Variants in CRYBG3 observed in about 807,000 individuals in gnomAD.
CRYBG3 encodes the protein very large A-kinase anchor protein.
In CRYBG3, 127 loss-of-function variants were observed where a neutral mutation model predicts 244.2. The ratio of observed to expected loss-of-function variants is 0.52; its 90% CI spans 0.45 to 0.60. CRYBG3 has a LOEUF of 0.60. CRYBG3 is among the 20% of genes least tolerant of loss of function. CRYBG3 has a pLI of 0.00. For missense variants in CRYBG3, 3,325 were observed against 3,442.5 expected (o/e 0.97, Z 0.85); for synonymous variants, 1,132 against 1,195.8 (o/e 0.95, Z 1.10).
Position 97,943,446 on chromosome 3 carries a change from C to T in CRYBG3, c.*132C>T, listed in dbSNP as rs901907288. On this transcript the variant is annotated 3_prime_UTR_variant, in exon 22 of 22. Coordinates refer to ENST00000389622, the MANE Select transcript of CRYBG3 (RefSeq NM_153605.4). ...TCACTGAGCAGAATGAACATTTTCTCCAGCCTCTGAGACTATCGCTCTTAA... is the reference window on the plus strand; with the variant it reads ...TCACTGAGCAGAATGAACATTTTCTTCAGCCTCTGAGACTATCGCTCTTAA... 15 of 638,016 alleles carry T rather than the reference C, an allele frequency of 2.4e-5. No homozygotes were observed. The highest frequency in any genetic ancestry group is 2.2e-4 in the South Asian group (12 of 54,030). The allele number at this position is 638,016 out of a possible 1,614,324, so 39.5% of individuals were successfully genotyped here.
In CRYBG3 at chr3:97,926,604, C is replaced by T. The variant is rs1457469187; in HGVS notation, c.8242-7090C>T. 3.3e-5 allele frequency among the ~76,000 whole-genome samples: 5 copies of T among 151,436 alleles called. No individual in the cohort carries two copies. The East Asian group carries it at 9.7e-4, about 29-fold the overall frequency. Reference sequence around the variant, plus strand: ...ACAAGAGAAAGAAGTAAAAGGCATCCAAATAGAAAAAAAGGGAGTCAAGCT... The same window carrying T: ...ACAAGAGAAAGAAGTAAAAGGCATCTAAATAGAAAAAAAGGGAGTCAAGCT... On this transcript the variant is annotated intron_variant, in intron 17 of 21. Coordinates refer to ENST00000389622, the MANE Select transcript of CRYBG3 (RefSeq NM_153605.4).
chr3:97,880,171 T>A, intron 6 of CRYBG3, 71 bp downstream of exon 6: 4 of 746,436 alleles, frequency 5.4e-6, no homozygotes, highest in Non-Finnish European at 8.8e-6. Flanking sequence ...TTAATGCTTT[T>A]TTTTCTATTT....
At chr3:97,886,553 C>T in intron 7 of CRYBG3, 78 bp from the exon 8 acceptor site, 1 of 1,120,974 alleles carries the variant, frequency 8.9e-7, no homozygotes, top group Non-Finnish European at 1.2e-6. Flanking sequence ...AACAGTGTAA[C>T]TGTATGTCCA....
At chr3:97,844,706 G>A (rs1240305700) in intron 2 of CRYBG3, among the ~76,000 whole-genome samples, 1 of 152,150 alleles carries the variant, frequency 6.6e-6, no homozygotes, top group Non-Finnish European at 1.5e-5. Flanking sequence ...CAGTAGTGCT[G>A]TTTTCCACCT....
At chr3:97,919,388 A>C (rs962129144) in intron 17 of CRYBG3, among the ~76,000 whole-genome samples, 2 of 152,222 alleles carry the variant, frequency 1.3e-5, no homozygotes, top group Non-Finnish European at 2.9e-5. Context: ...TAGGTGGCCT[A>C]GAATTAGGAA....
chr3:97,940,935 AAAGT>A (rs1229795175), intron 19 of CRYBG3, among the ~76,000 whole-genome samples: 1 of 151,952 alleles, frequency 6.6e-6, no homozygotes, highest in East Asian at 1.9e-4. Context: ...CACTTTTCAC[AAAGT>A]GTAATAGAGA....
intron 17 of CRYBG3, among the ~76,000 whole-genome samples, chr3:97,929,036 T>C (rs1410344475): frequency 2.0e-5 from 3 of 152,058 alleles, no homozygotes; most frequent in African/African-American, 7.2e-5. Flanking sequence ...CAATGAGTTT[T>C]CTTCTTTTGT....
At chr3:97,871,441 G>A (rs1363838209) in intron 3 of CRYBG3, among the ~76,000 whole-genome samples, 2 of 152,126 alleles carry the variant, frequency 1.3e-5, no homozygotes, top group Non-Finnish European at 2.9e-5. Context: ...CTTTAATGTG[G>A]TGGAGAAGTC....
At position 97,827,737 on chromosome 3, in the gene CRYBG3, C is replaced by T. The variant is rs990280125; in HGVS notation, c.149+5382C>T. Among the ~76,000 whole-genome samples the T allele has an allele frequency of 8.5e-5, 13 of 152,166 alleles. No homozygotes were observed. In the East Asian group the frequency reaches 2.5e-3, roughly 30 times the overall value. On this transcript the variant is annotated intron_variant, in intron 1 of 21. Transcript: ENST00000389622. ...CTCAGAGCAAACGTATCTTTACTCC[C>T]TTTTACAATATATAATTTAAGGCTT...
chr3:97,911,785 T>A (rs1241692317), intron 15 of CRYBG3, among the ~76,000 whole-genome samples: 1 of 152,200 alleles, frequency 6.6e-6, no homozygotes, highest in East Asian at 1.9e-4. Context: ...TAGCACTAAA[T>A]TGCTTCTTAT....
chr3:97,854,472 C>T (rs2039036276), intron 2 of CRYBG3, among the ~76,000 whole-genome samples: 1 of 152,012 alleles, frequency 6.6e-6, no homozygotes, highest in Non-Finnish European at 1.5e-5. Context: ...TAATTCTACC[C>T]ATCCATGAGC....
intron 2 of CRYBG3, among the ~76,000 whole-genome samples, chr3:97,851,150 A>T (rs1180040181): frequency 2.6e-5 from 4 of 151,712 alleles, no homozygotes; most frequent in Admixed American, 6.6e-5. Flanking sequence ...AAAAAAAAAA[A>T]TTTTAGCATC....
intron 15 of CRYBG3, among the ~76,000 whole-genome samples, chr3:97,908,212 A>G (rs2039801563): frequency 6.6e-6 from 1 of 152,272 alleles, no homozygotes; most frequent in African/African-American, 2.4e-5. Flanking sequence ...GCTGAAAAAA[A>G]TGTATATTCT....
chr3:97,836,292 G>A (rs1212234554), intron 1 of CRYBG3, among the ~76,000 whole-genome samples: 1 of 151,972 alleles, frequency 6.6e-6, no homozygotes, highest in Admixed American at 6.6e-5. Flanking sequence ...AATACATACT[G>A]TTTGAGTGCC....
At chr3:97,899,657 A>G (rs2039682111) in intron 14 of CRYBG3, among the ~76,000 whole-genome samples, 1 of 152,196 alleles carries the variant, frequency 6.6e-6, no homozygotes, top group Non-Finnish European at 1.5e-5. Context: ...GAGCAGGGAA[A>G]AGGAACAATC....
At chr3:97,857,812 C>T (rs990186249) in intron 2 of CRYBG3, among the ~76,000 whole-genome samples, 9 of 152,012 alleles carry the variant, frequency 5.9e-5, no homozygotes, top group Non-Finnish European at 1.0e-4. Context: ...TAACCATTTA[C>T]ATTTACGGTT....
intron 14 of CRYBG3, 105 bp from the exon 15 acceptor site, chr3:97,900,347 CA>C: frequency 1.5e-6 from 1 of 686,394 alleles, no homozygotes; most frequent in Non-Finnish European, 2.5e-6. Context: ...TACTCTGTCT[CA>C]AAAAAGAAAA....
intron 19 of CRYBG3, among the ~76,000 whole-genome samples, chr3:97,940,156 G>A (rs1024886733): frequency 6.6e-6 from 1 of 151,978 alleles, no homozygotes; most frequent in African/African-American, 2.4e-5. Context: ...TTACATTAAG[G>A]CTGGAGGCCT....
At chr3:97,905,293 G>T (rs879771740) in intron 15 of CRYBG3, among the ~76,000 whole-genome samples, 1 of 151,744 alleles carries the variant, frequency 6.6e-6, no homozygotes, top group Admixed American at 6.6e-5. Context: ...GATATTTCCA[G>T]TTCTAGATCC....
Sources: allele counts gnomAD v4.1 joint callset (sites outside exome capture counted in the v4.1 genomes callset), GRCh38; gene constraint gnomAD v4.1.1; transcripts MANE v1.5; gene names NCBI Gene and HGNC (gene_info 2026-07-23, HGNC 2026-07-21).